Variants in NXPE4 observed in about 807,000 individuals in gnomAD.
The protein encoded by NXPE4 is NXPE family member 4.
Under a neutral mutation model 33.3 loss-of-function variants are expected in NXPE4, and 42 were observed. That is an observed-to-expected ratio of 1.26 (90% CI 0.98 to 1.63). NXPE4 has a LOEUF of 1.63. Among genes scored for constraint, NXPE4 ranks in the 40% most tolerant of loss-of-function variants. The probability of loss-of-function intolerance (pLI) is 0.00; values close to 1 mark genes in which losing one functional copy is unlikely to be tolerated. For synonymous variants in NXPE4, 253 were observed against 234.9 expected (o/e 1.08, Z -0.71); for missense variants, 709 against 647.6 (o/e 1.09, Z -1.03).
chr11:114,670,981 A>G, the NXPE4 span, among the ~76,000 whole-genome samples: 1 of 150,588 alleles, frequency 6.6e-6, no homozygotes, highest in Non-Finnish European at 1.5e-5. Flanking sequence ...GCTTAAAAAA[A>G]GAAAGGAAAT....
chr11:114,600,934 C>G, the NXPE4 span, among the ~76,000 whole-genome samples: 1 of 151,886 alleles, frequency 6.6e-6, no homozygotes, highest in South Asian at 2.1e-4. Flanking sequence ...TATAGTTCTC[C>G]ATGAAATGAT....
chr11:114,630,453 G>A, the NXPE4 span, among the ~76,000 whole-genome samples: 3 of 151,726 alleles, frequency 2.0e-5, no homozygotes, highest in African/African-American at 4.9e-5. Flanking sequence ...ATGGTGCTGG[G>A]AAAACTGGCT....
chr11:114,593,229 T>A (rs1226994650), intron 2 of NXPE4, among the ~76,000 whole-genome samples: 1 of 151,950 alleles, frequency 6.6e-6, no homozygotes, highest in African/African-American at 2.4e-5. Flanking sequence ...ATCAAGTGAG[T>A]GAAGAGTTAA....
intron 4 of NXPE4, among the ~76,000 whole-genome samples, chr11:114,581,094 T>G (rs1289379144): frequency 6.6e-6 from 1 of 152,214 alleles, no homozygotes; most frequent in Admixed American, 6.5e-5. Flanking sequence ...TATTAGTGAT[T>G]AGCAAGGCTT....
rs565965682 is a variant in NXPE4 at position 114,577,973 on chromosome 11, C to G, written c.1099+2159G>C. Among the ~76,000 whole-genome samples the G allele has an allele frequency of 4.6e-5, 7 of 152,244 alleles. No homozygotes were observed. The South Asian group carries it at 1.5e-3, about 32-fold the overall frequency. On this transcript the variant is annotated intron_variant, in intron 5 of 5. Coordinates refer to ENST00000375478, the MANE Select transcript of NXPE4 (RefSeq NM_001077639.2). ...TATTTGGACTGATCTATCCATTCAC[C>G]TCAAGGATCCTCTCATGTATATTTA...
At chr11:114,652,280 A>G in the NXPE4 span, among the ~76,000 whole-genome samples, 1 of 152,200 alleles carries the variant, frequency 6.6e-6, no homozygotes, top group Non-Finnish European at 1.5e-5. Flanking sequence ...TGGAAGGGGA[A>G]ATGATGCCCT....
upstream of NXPE4, among the ~76,000 whole-genome samples, chr11:114,599,025 T>C (rs10891715): frequency 0.19 from 28,793 of 152,240 alleles, 3,103 homozygotes; most frequent in African/African-American, 0.29. Flanking sequence ...CAAACTTTTA[T>C]ACTTTGCTTC....
At chr11:114,618,517 G>C in the NXPE4 span, among the ~76,000 whole-genome samples, 1 of 151,936 alleles carries the variant, frequency 6.6e-6, no homozygotes, top group Non-Finnish European at 1.5e-5. Context: ...CTGTTTCCCA[G>C]TGGATAATAA....
the NXPE4 span, among the ~76,000 whole-genome samples, chr11:114,618,051 C>A: frequency 1.3e-5 from 2 of 151,984 alleles, no homozygotes; most frequent in African/African-American, 4.8e-5. Flanking sequence ...ACAACTCTTA[C>A]CCTGTGGATA....
chr11:114,655,612 T>C, the NXPE4 span, among the ~76,000 whole-genome samples: 1 of 152,190 alleles, frequency 6.6e-6, no homozygotes, highest in East Asian at 1.9e-4. Context: ...TTTTGTCAGG[T>C]TTGAGGAAGA....
At chr11:114,602,049 ATAT>A in the NXPE4 span, among the ~76,000 whole-genome samples, 1 of 91,768 alleles carries the variant, frequency 1.1e-5, no homozygotes, top group Non-Finnish European at 1.9e-5. Context: ...AATATATATT[ATAT>A]TATATATATT....
At chr11:114,605,817 G>A in the NXPE4 span, among the ~76,000 whole-genome samples, 1 of 150,032 alleles carries the variant, frequency 6.7e-6, no homozygotes, top group Non-Finnish European at 1.5e-5. Context: ...CCACTGTTAC[G>A]CAGTGGAAAA....
chr11:114,597,374 G>A (rs1413524332), upstream of NXPE4, among the ~76,000 whole-genome samples: 1 of 152,074 alleles, frequency 6.6e-6, no homozygotes, highest in Non-Finnish European at 1.5e-5. Context: ...AACTTTTTCT[G>A]TAAAGAATCA....
chr11:114,608,316 C>T, the NXPE4 span, among the ~76,000 whole-genome samples: 2 of 151,756 alleles, frequency 1.3e-5, no homozygotes, highest in Non-Finnish European at 2.9e-5. Context: ...CATGGGTAAC[C>T]AGTGTTACTT....
At chr11:114,633,667 A>C in the NXPE4 span, among the ~76,000 whole-genome samples, 12 of 134,284 alleles carry the variant, frequency 8.9e-5, no homozygotes, top group Non-Finnish European at 1.4e-4. Flanking sequence ...TCCTGTGTCC[A>C]TGTGTTCTCA....
chr11:114,606,769 C>T, the NXPE4 span, among the ~76,000 whole-genome samples: 1 of 151,882 alleles, frequency 6.6e-6, no homozygotes, highest in South Asian at 2.1e-4. Context: ...ACAGGGGTAA[C>T]CACTATTATC....
chr11:114,639,574 G>C, the NXPE4 span, among the ~76,000 whole-genome samples: 1 of 150,370 alleles, frequency 6.7e-6, no homozygotes, highest in African/African-American at 2.4e-5. Context: ...CAGGCCGGGA[G>C]CTGTAGACTG....
At chr11:114,617,015 TAAG>T in the NXPE4 span, among the ~76,000 whole-genome samples, 3 of 151,870 alleles carry the variant, frequency 2.0e-5, no homozygotes, top group African/African-American at 7.3e-5. Flanking sequence ...TGGTGGATAA[TAAG>T]TATTTCCTCG....
At position 114,580,287 on chromosome 11, in the gene NXPE4, A is replaced by C; in HGVS notation, c.944T>G (p.Ile315Ser). 2.5e-6 allele frequency: 4 copies of C among 1,614,026 alleles called. No homozygotes were observed. The highest frequency in any genetic ancestry group is 3.4e-6 in the Non-Finnish European group (4 of 1,179,952). The change falls in exon 5 of 6, where the codon ATC becomes AGC. Residue 315 changes from isoleucine (I) to serine (S), a missense_variant. Physicochemically the swap from Ile to Ser is moderately radical, Grantham distance 142 (BLOSUM62 -2). Coordinates refer to ENST00000375478, the MANE Select transcript of NXPE4 (RefSeq NM_001077639.2). ...EKCKFGMTST[I>S]PSGHVWRNTW... ...GTTTCTCCAGACATGCCCACTGGGG[A>C]TTGTGGATGTCATTCCAAACTTGCA...
Sources: gnomAD v4.1 joint callset for allele counts (sites outside exome capture counted in the v4.1 genomes callset) on GRCh38, gnomAD v4.1.1 for gene constraint, MANE v1.5 for transcripts, NCBI Gene and HGNC (gene_info 2026-07-23, HGNC 2026-07-21) for gene names.